EPB41L1: variants seen among roughly 807,000 people sequenced by gnomAD.
EPB41L1 encodes the protein band 4.1-like protein 1.
Under a neutral mutation model 97.8 loss-of-function variants are expected in EPB41L1, and 29 were observed. That is an observed-to-expected ratio of 0.30 (90% CI 0.22 to 0.40). The LOEUF (loss-of-function observed/expected upper bound fraction) is 0.40, where lower values mean the gene tolerates loss of function less well. Ranked by LOEUF, EPB41L1 falls within the 10% of genes least tolerant of loss-of-function variation. The pLI is 1.00. For missense variants in EPB41L1, 812 were observed against 1,162.3 expected, an observed-to-expected ratio of 0.70 and a Z score of 4.38; for synonymous variants, 383 against 459.2, an observed-to-expected ratio of 0.83 and a Z score of 2.12.
At chr20:36,181,781 T>C (rs1291231280) in intron 5 of EPB41L1, among the ~76,000 whole-genome samples, 3 of 152,160 alleles carry the variant, frequency 2.0e-5, no homozygotes, top group Non-Finnish European at 4.4e-5. Flanking sequence ...CTGTTTAATG[T>C]ATTATCTAGA....
In EPB41L1 at chr20:36,209,355, T is replaced by C. The variant is rs2063000963; in HGVS notation, c.1669-133T>C. 1 of 951,274 alleles carries C rather than the reference T, an allele frequency of 1.1e-6. No individual in the cohort carries two copies. Among genetic ancestry groups the C allele is most frequent in the Non-Finnish European group, 1.5e-6 (1 of 654,526 alleles). The allele number at this position is 951,274 out of a possible 1,614,324, so 58.9% of individuals were successfully genotyped here. A position where few individuals can be genotyped will look rare whatever the true frequency, so the allele number is the denominator to read the frequency against. On this transcript the variant is annotated intron_variant, in intron 14 of 21. Transcript: ENST00000338074. This position sits in a 1 kb window ranked among gnomAD's most constrained non-coding sequence, Gnocchi z 4.2. Reference sequence around the variant, plus strand: ...GGAACCTTTCCTGGGGTGTTTTTCATTTCCTGGCCTGCTCTTCCATTCAGG... The same window carrying C: ...GGAACCTTTCCTGGGGTGTTTTTCACTTCCTGGCCTGCTCTTCCATTCAGG...
At chr20:36,226,051 G>A (rs555940311) in intron 21 of EPB41L1, among the ~76,000 whole-genome samples, 1 of 152,118 alleles carries the variant, frequency 6.6e-6, no homozygotes, top group South Asian at 2.1e-4. Context: ...TGCCTTTTCT[G>A]CCCACATGCT....
chr20:36,159,202 G>A (rs2060431976), intron 1 of EPB41L1, among the ~76,000 whole-genome samples: 1 of 152,162 alleles, frequency 6.6e-6, no homozygotes, highest in Non-Finnish European at 1.5e-5. Flanking sequence ...TTAGTCATCT[G>A]GAAGATTGGG....
In EPB41L1 at chr20:36,190,327, A is replaced by C; in HGVS notation, c.1077A>C (p.Ser359=). 6.2e-7 allele frequency: 1 copy of C among 1,614,238 alleles called. No individual in the cohort carries two copies. The highest frequency in any genetic ancestry group is 8.5e-7 in the Non-Finnish European group (1 of 1,180,040). The part of the protein sequence containing the change: ...TIGFKLPNHR[S]AKRLWKVCIE... ...GCTTTAAGCTCCCAAACCACCGGTC[A>C]GCCAAGAGACTGTGGAAGGTCTGCA... Residue 359 remains serine, a synonymous_variant, in exon 10 of 22, where the codon TCA becomes TCC. Transcript: ENST00000338074. The surrounding 1 kb of genome is among the most constrained non-coding windows in gnomAD (Gnocchi z 5.8).
At chr20:36,105,077 A>G (rs1347594512) in intron 1 of EPB41L1, among the ~76,000 whole-genome samples, 1 of 152,184 alleles carries the variant, frequency 6.6e-6, no homozygotes, top group African/African-American at 2.4e-5. Flanking sequence ...AAAGGGCCAC[A>G]TAGGTGGGAA....
At chr20:36,187,947 C>T (rs2061754123) in intron 8 of EPB41L1, among the ~76,000 whole-genome samples, 184 bp downstream of exon 8, 1 of 152,156 alleles carries the variant, frequency 6.6e-6, no homozygotes, top group Non-Finnish European at 1.5e-5. Context: ...ATTATTTTCT[C>T]CATGTATTTT....
chr20:36,165,049 T>C (rs1290397941), intron 1 of EPB41L1, among the ~76,000 whole-genome samples: 1 of 152,026 alleles, frequency 6.6e-6, no homozygotes, highest in Non-Finnish European at 1.5e-5. Context: ...TGGTGCGATC[T>C]GAGCTCACTA....
At chr20:36,150,481 G>T (rs1483688798), upstream of EPB41L1, 3 of 152,082 alleles carry the variant, frequency 2.0e-5, no homozygotes, top group Non-Finnish European at 4.4e-5. Flanking sequence ...GCCATGGCTA[G>T]TAGCTACCAT....
chr20:36,179,176 A>C (rs1191507160), intron 5 of EPB41L1, among the ~76,000 whole-genome samples: 1 of 152,176 alleles, frequency 6.6e-6, no homozygotes, highest in African/African-American at 2.4e-5. Context: ...GGGAAGGACA[A>C]GTCTAAGGCC....
At chr20:36,095,343 A>G (rs968550320) in intron 1 of EPB41L1, among the ~76,000 whole-genome samples, 4 of 151,714 alleles carry the variant, frequency 2.6e-5, no homozygotes, top group Non-Finnish European at 5.9e-5. Context: ...CCTGACCTCA[A>G]GGGATCTGCC....
chr20:36,206,517 T>C lies in EPB41L1; in HGVS notation c.1669-2971T>C, dbSNP rs1304546050. The C allele has an allele frequency of 1.6e-6, 2 of 1,289,750 alleles. No homozygotes were observed. The highest frequency in any genetic ancestry group is 1.0e-6 in the Non-Finnish European group (1 of 988,858). The allele number at this position is 1,289,750 out of a possible 1,614,324, so 79.9% of individuals were successfully genotyped here. On this transcript the variant is annotated intron_variant, in intron 14 of 21. Transcript: ENST00000338074. This position sits in a 1 kb window ranked among gnomAD's most constrained non-coding sequence, Gnocchi z 5.5. ...AAGACTCAGAAGACCAAGTCCTCCCTCCACCCCTGGAGGAGAGAAAAGGGC... is the reference window on the plus strand; with the variant it reads ...AAGACTCAGAAGACCAAGTCCTCCCCCCACCCCTGGAGGAGAGAAAAGGGC...
intron 1 of EPB41L1, among the ~76,000 whole-genome samples, chr20:36,171,745 G>C (rs111607247): frequency 5.3e-4 from 80 of 152,280 alleles, no homozygotes; most frequent in African/African-American, 1.9e-3. Context: ...TGGGGCGGGG[G>C]ACCTGGAGCA....
chr20:36,111,308 C>A (rs897620775), intron 1 of EPB41L1, among the ~76,000 whole-genome samples: 1 of 152,182 alleles, frequency 6.6e-6, no homozygotes, highest in Non-Finnish European at 1.5e-5. Flanking sequence ...GTAGGAACAC[C>A]TCATCCCACC....
In EPB41L1 at chr20:36,212,457, C is replaced by G. The variant is rs1413862701; in HGVS notation, c.2184+81C>G. The G allele has an allele frequency of 8.6e-7, 1 of 1,163,460 alleles. No individual in the cohort carries two copies. Among genetic ancestry groups the G allele is most frequent in the African/African-American group, 1.5e-5 (1 of 65,910 alleles). The allele number at this position is 1,163,460 out of a possible 1,614,324, so 72.1% of individuals were successfully genotyped here. A position where few individuals can be genotyped will look rare whatever the true frequency, so the allele number is the denominator to read the frequency against. ...GGTCCCCACTGCTGTGGCCAAACCC[C>G]TTGGCCAGCTCTTTTAATCTCAGCT... On this transcript the variant is annotated intron_variant, in intron 16 of 21. Transcript: ENST00000338074. This position sits in a 1 kb window ranked among gnomAD's most constrained non-coding sequence, Gnocchi z 4.8.
intron 2 of EPB41L1, among the ~76,000 whole-genome samples, chr20:36,145,200 C>T (rs2059786099): frequency 6.6e-6 from 1 of 151,928 alleles, no homozygotes; most frequent in African/African-American, 2.4e-5. Flanking sequence ...CCAGCCTGGA[C>T]AAGATGATGA....
chr20:36,155,541 GGGGTCTCAGGGAT>G, intron 1 of EPB41L1: 1 of 454,514 alleles, frequency 2.2e-6, no homozygotes, highest in South Asian at 1.6e-5. Context: ...CCGAGAGGCT[GGGGTCTCAGGGAT>G]GGGCATGGGG....
At chr20:36,152,994 GA>G (rs2060116841), upstream of EPB41L1, 3 of 456,570 alleles carry the variant, frequency 6.6e-6, no homozygotes, top group Non-Finnish European at 1.3e-5. Context: ...AGGACTGGGA[GA>G]AGCTGGCTTC....
chr20:36,119,520 T>C (rs965412403), intron 2 of EPB41L1, among the ~76,000 whole-genome samples: 1 of 152,098 alleles, frequency 6.6e-6, no homozygotes, highest in African/African-American at 2.4e-5. Context: ...GAGAATCGCT[T>C]GAACCTGGTA....
chr20:36,102,004 C>CG, intron 1 of EPB41L1, among the ~76,000 whole-genome samples: 1 of 109,832 alleles, frequency 9.1e-6, no homozygotes, highest in East Asian at 2.5e-4. Context: ...GACTCTGTCT[C>CG]AAAAAACAAA....
Sources: allele counts gnomAD v4.1 joint callset (sites outside exome capture counted in the v4.1 genomes callset), GRCh38; gene constraint gnomAD v4.1.1; non-coding constraint Gnocchi (gnomAD v3.1); transcripts MANE v1.5; gene names NCBI Gene and HGNC (gene_info 2026-07-23, HGNC 2026-07-21).